Variants in SOX5 observed in about 807,000 individuals in gnomAD.
SOX5 encodes the protein transcription factor SOX-5.
SOX5 carries 9 observed loss-of-function variants against 92.0 expected under a neutral mutation model. The ratio of observed to expected loss-of-function variants is 0.10; its 90% CI spans 0.06 to 0.17. The LOEUF is 0.17. SOX5 is among the 10% of genes least tolerant of loss of function. SOX5 has a pLI of 1.00. For missense variants in SOX5, 642 were observed against 944.5 expected (o/e 0.68, Z 4.20); for synonymous variants, 344 against 336.3 (o/e 1.02, Z -0.25).
At chr12:23,608,924 T>C (rs2075608787) in intron 8 of SOX5, among the ~76,000 whole-genome samples, 1 of 152,198 alleles carries the variant, frequency 6.6e-6, no homozygotes. Flanking sequence ...CAAACATAGT[T>C]TCTGCCTTAA....
chr12:24,037,144 G>A (rs1023773153), intron 4 of SOX5, among the ~76,000 whole-genome samples: 3 of 152,052 alleles, frequency 2.0e-5, no homozygotes, highest in Admixed American at 1.3e-4. Flanking sequence ...GAGGGGGAGG[G>A]AGAAAATAAA....
At chr12:23,949,681 C>G (rs1945220930), upstream of SOX5, 1 of 1,608,124 alleles carries the variant, frequency 6.2e-7, no homozygotes, top group Non-Finnish European at 8.5e-7. Context: ...GAGTCCAAAC[C>G]TTCTAAACCA....
chr12:24,150,130 T>C (rs1267248694), intron 4 of SOX5, among the ~76,000 whole-genome samples: 1 of 152,172 alleles, frequency 6.6e-6, no homozygotes, highest in Non-Finnish European at 1.5e-5. Flanking sequence ...ATATGTGCAG[T>C]TCATTATCAG....
At chr12:24,508,982 C>T (rs543691381) in intron 1 of SOX5, among the ~76,000 whole-genome samples, 1 of 152,236 alleles carries the variant, frequency 6.6e-6, no homozygotes, top group South Asian at 2.1e-4. Context: ...CGGAAATTGC[C>T]CATTCATTGG....
intron 4 of SOX5, among the ~76,000 whole-genome samples, chr12:24,130,825 A>T (rs1296725759): frequency 6.6e-6 from 1 of 152,146 alleles, no homozygotes; most frequent in Non-Finnish European, 1.5e-5. Flanking sequence ...GGCTTTTTTA[A>T]GCTAGCTTGG....
intron 3 of SOX5, among the ~76,000 whole-genome samples, chr12:24,225,363 G>C (rs958054551): frequency 6.6e-6 from 1 of 152,038 alleles, no homozygotes; most frequent in African/African-American, 2.4e-5. Context: ...CAAAAGCACT[G>C]TAACAACCCA....
At chr12:24,096,114 A>G (rs1593122078) in intron 4 of SOX5, among the ~76,000 whole-genome samples, 2 of 152,080 alleles carry the variant, frequency 1.3e-5, no homozygotes, top group Non-Finnish European at 2.9e-5. Context: ...CATGGAAAAA[A>G]TTTTTAAACA....
chr12:24,557,109 G>A (rs1953867088), intron 1 of SOX5, among the ~76,000 whole-genome samples: 2 of 152,072 alleles, frequency 1.3e-5, no homozygotes, highest in Admixed American at 6.6e-5. Context: ...AGGTTAAGAA[G>A]GCCAGGCACG....
chr12:23,999,796 A>T (rs1266678826), intron 4 of SOX5, among the ~76,000 whole-genome samples: 2 of 151,996 alleles, frequency 1.3e-5, no homozygotes, highest in Non-Finnish European at 2.9e-5. Flanking sequence ...CAAAAAATGA[A>T]GGAGAAACAA....
intron 4 of SOX5, among the ~76,000 whole-genome samples, chr12:24,024,723 T>C (rs752803430): frequency 2.6e-4 from 39 of 152,042 alleles, no homozygotes; most frequent in Admixed American, 1.5e-3. Flanking sequence ...GTGTTAGCAT[T>C]GGACAGAATA....
intron 9 of SOX5, among the ~76,000 whole-genome samples, chr12:23,594,334 A>G (rs1322448532): frequency 2.0e-5 from 3 of 152,070 alleles, no homozygotes; most frequent in Non-Finnish European, 2.9e-5. Flanking sequence ...ACACTGTGCT[A>G]CGTGAGCACA....
At chr12:24,517,357 G>C (rs1949882310) in intron 1 of SOX5, among the ~76,000 whole-genome samples, 1 of 152,126 alleles carries the variant, frequency 6.6e-6, no homozygotes, top group African/African-American at 2.4e-5. Flanking sequence ...TGCTGGGTGT[G>C]GTGCTTACAT....
intron 2 of SOX5, among the ~76,000 whole-genome samples, chr12:23,883,567 T>C (rs2097024696): frequency 6.6e-6 from 1 of 152,166 alleles, no homozygotes; most frequent in Non-Finnish European, 1.5e-5. Context: ...CATCTACATA[T>C]GGAGAAGTTC....
chr12:23,985,640 C>A (rs1487361148), intron 4 of SOX5, among the ~76,000 whole-genome samples: 3 of 150,386 alleles, frequency 2.0e-5, no homozygotes, highest in African/African-American at 7.4e-5. Context: ...TATCTAGTAC[C>A]CTTTCTTGAA....
chr12:24,253,158 C>T (rs1279302625), intron 3 of SOX5, among the ~76,000 whole-genome samples: 1 of 151,966 alleles, frequency 6.6e-6, no homozygotes. Flanking sequence ...AGAAAGGAGG[C>T]AAGCGTATTC....
At chr12:23,838,157 T>C (rs1012599070) in intron 3 of SOX5, among the ~76,000 whole-genome samples, 4 of 143,058 alleles carry the variant, frequency 2.8e-5, no homozygotes, top group Non-Finnish European at 4.5e-5. Context: ...TTTATATTTA[T>C]ATAATATATA....
At chr12:23,593,777 G>A (rs561433961) in intron 9 of SOX5, among the ~76,000 whole-genome samples, 1 of 151,942 alleles carries the variant, frequency 6.6e-6, no homozygotes, top group East Asian at 1.9e-4. Flanking sequence ...TAAGCAGGTG[G>A]CGTTGCATGT....
intron 11 of SOX5, among the ~76,000 whole-genome samples, chr12:23,551,247 A>C (rs1184207652): frequency 6.6e-6 from 1 of 151,942 alleles, no homozygotes; most frequent in East Asian, 1.9e-4. Flanking sequence ...AATTATGTGA[A>C]CCTCACAGAC....
intron 4 of SOX5, among the ~76,000 whole-genome samples, chr12:23,994,172 T>C (rs960901339): frequency 3.7e-4 from 56 of 151,890 alleles, no homozygotes; most frequent in African/African-American, 1.3e-3. Context: ...AATGTTTCTA[T>C]AAAGGTGTAT....
Sources: allele counts gnomAD v4.1 joint callset (sites outside exome capture counted in the v4.1 genomes callset), GRCh38; gene constraint gnomAD v4.1.1; transcripts MANE v1.5; gene names NCBI Gene and HGNC (gene_info 2026-07-23, HGNC 2026-07-21).